SDK1: variants seen among roughly 807,000 people sequenced by gnomAD.
The protein encoded by SDK1 is protein sidekick-1.
SDK1 carries 157 observed loss-of-function variants against 245.5 expected under a neutral mutation model. The ratio of observed to expected loss-of-function variants is 0.64; its 90% CI spans 0.56 to 0.73. The LOEUF (loss-of-function observed/expected upper bound fraction) is 0.73, where lower values mean the gene tolerates loss of function less well. Ranked by LOEUF, SDK1 falls within the 30% of genes least tolerant of loss-of-function variation. The probability of loss-of-function intolerance (pLI) is 0.00; values close to 1 mark genes in which losing one functional copy is unlikely to be tolerated. For synonymous variants in SDK1, 1,647 were observed against 1,278.5 expected, an observed-to-expected ratio of 1.29 and a Z score of -6.15; for missense variants, 3,583 against 3,002.3, an observed-to-expected ratio of 1.19 and a Z score of -4.52.
intron 4 of SDK1, among the ~76,000 whole-genome samples, chr7:3,784,506 CAATAG>C (rs1338071374): frequency 4.0e-5 from 6 of 151,792 alleles, no homozygotes; most frequent in Non-Finnish European, 1.5e-5. Flanking sequence ...TCAAACAACT[CAATAG>C]AAAGAATACA....
intron 1 of SDK1, among the ~76,000 whole-genome samples, chr7:3,477,957 C>A (rs997253365): frequency 2.0e-5 from 3 of 152,142 alleles, no homozygotes; most frequent in Non-Finnish European, 4.4e-5. Context: ...TGTTAGAGAT[C>A]TGCCTTTACT....
chr7:3,912,946 A>G (rs1779229152), intron 5 of SDK1, among the ~76,000 whole-genome samples: 1 of 152,252 alleles, frequency 6.6e-6, no homozygotes, highest in African/African-American at 2.4e-5. Context: ...GTAAGGGCTC[A>G]AAGCAACCGT....
chr7:3,882,830 A>G (rs1243986630), intron 5 of SDK1, among the ~76,000 whole-genome samples: 1 of 152,244 alleles, frequency 6.6e-6, no homozygotes, highest in African/African-American at 2.4e-5. Flanking sequence ...AAAAAATTCT[A>G]TAATTTAGAC....
At chr7:3,919,585 C>A (rs542343208) in intron 5 of SDK1, among the ~76,000 whole-genome samples, 1 of 152,250 alleles carries the variant, frequency 6.6e-6, no homozygotes, top group African/African-American at 2.4e-5. Flanking sequence ...AGGCATTGAC[C>A]AAAATCTTAC....
chr7:3,319,563 T>G (rs1440066408), intron 1 of SDK1, among the ~76,000 whole-genome samples: 1 of 152,164 alleles, frequency 6.6e-6, no homozygotes, highest in Non-Finnish European at 1.5e-5. Flanking sequence ...ATTACTTACA[T>G]GATACATATA....
chr7:3,924,941 C>G (rs923285964), intron 5 of SDK1, among the ~76,000 whole-genome samples: 1 of 152,144 alleles, frequency 6.6e-6, no homozygotes, highest in Non-Finnish European at 1.5e-5. Flanking sequence ...GTCATTTTCC[C>G]CCAGCTGGAG....
At chr7:3,566,194 G>T (rs1289269618) in intron 1 of SDK1, among the ~76,000 whole-genome samples, 2 of 145,646 alleles carry the variant, frequency 1.4e-5, no homozygotes, top group Non-Finnish European at 1.5e-5. Context: ...CATTTTTATT[G>T]TATGTTTTTG....
At chr7:3,970,083 C>G (rs1013417185) in intron 11 of SDK1, among the ~76,000 whole-genome samples, 4 of 152,210 alleles carry the variant, frequency 2.6e-5, no homozygotes, top group Admixed American at 1.3e-4. Flanking sequence ...TTTTTAACTT[C>G]AATTGCCAAT....
rs556785870 is a variant in SDK1 at position 3,747,190 on chromosome 7, G to A, written c.714-74260G>A. ...TAATAGAAAATTTTGCAAACAGTGT[G>A]ACACAGAACTACCTAGGTAAATAGA... On this transcript the variant is annotated intron_variant, in intron 4 of 44. Coordinates refer to ENST00000404826, the MANE Select transcript of SDK1 (RefSeq NM_152744.4). Among the ~76,000 whole-genome samples, 42 of 152,294 alleles carry A rather than the reference G, an allele frequency of 2.8e-4. No individual in the cohort carries two copies. The Middle Eastern group carries it at 0.014, about 49-fold the overall frequency.
At chr7:4,169,453 A>G (rs1781695805) in intron 32 of SDK1, among the ~76,000 whole-genome samples, 1 of 152,164 alleles carries the variant, frequency 6.6e-6, no homozygotes, top group Admixed American at 6.5e-5. Flanking sequence ...GCAGAGGGCC[A>G]GCCCTTCTCC....
chr7:4,094,040 C>A (rs1781980670), intron 22 of SDK1, among the ~76,000 whole-genome samples: 1 of 152,018 alleles, frequency 6.6e-6, no homozygotes, highest in African/African-American at 2.4e-5. Context: ...GCCTAAACGG[C>A]CAGGGTGGTT....
At chr7:3,471,019 G>T (rs1342860880) in intron 1 of SDK1, among the ~76,000 whole-genome samples, 2 of 152,124 alleles carry the variant, frequency 1.3e-5, no homozygotes, top group Non-Finnish European at 2.9e-5. Context: ...ATTAGTTTCT[G>T]AGTTGACCAA....
intron 5 of SDK1, among the ~76,000 whole-genome samples, chr7:3,894,956 C>T (rs1403334259): frequency 1.3e-5 from 2 of 152,092 alleles, no homozygotes; most frequent in East Asian, 1.9e-4. Flanking sequence ...GCTGGGATTA[C>T]AGGTGTGAGC....
At chr7:4,248,071 G>C (rs1239082775) in intron 44 of SDK1, among the ~76,000 whole-genome samples, 2 of 152,154 alleles carry the variant, frequency 1.3e-5, no homozygotes, top group Non-Finnish European at 2.9e-5. Context: ...GGCGTGTTTG[G>C]AGATTTAACA....
intron 4 of SDK1, among the ~76,000 whole-genome samples, chr7:3,761,653 A>T (rs1780108244): frequency 6.6e-6 from 1 of 151,878 alleles, no homozygotes; most frequent in African/African-American, 2.4e-5. Context: ...AACATCTAGG[A>T]TGCTGGAGCG....
chr7:3,624,568 A>G (rs907345846), intron 2 of SDK1, among the ~76,000 whole-genome samples: 1 of 152,212 alleles, frequency 6.6e-6, no homozygotes, highest in Admixed American at 6.5e-5. Flanking sequence ...TCTAAAGCTC[A>G]TCTAGAAATG....
intron 1 of SDK1, among the ~76,000 whole-genome samples, chr7:3,569,362 TCCCAGTCAGTCA>T (rs1426024809): frequency 6.6e-6 from 1 of 152,158 alleles, no homozygotes; most frequent in Non-Finnish European, 1.5e-5. Flanking sequence ...GGAAAAGGAA[TCCCAGTCAGTCA>T]CCTGGTTCCC....
At chr7:3,709,645 T>A (rs1784984904) in intron 4 of SDK1, among the ~76,000 whole-genome samples, 2 of 152,254 alleles carry the variant, frequency 1.3e-5, no homozygotes, top group Admixed American at 1.3e-4. Context: ...AGACTATTTT[T>A]TCTTTCCAAG....
chr7:4,125,002 G>A (rs1272237450), intron 25 of SDK1, among the ~76,000 whole-genome samples: 3 of 150,466 alleles, frequency 2.0e-5, no homozygotes, highest in Non-Finnish European at 1.5e-5. Context: ...AGATGGATGA[G>A]TGAATGGATG....
Sources: allele counts gnomAD v4.1 joint callset (sites outside exome capture counted in the v4.1 genomes callset), GRCh38; gene constraint gnomAD v4.1.1; transcripts MANE v1.5; gene names NCBI Gene and HGNC (gene_info 2026-07-23, HGNC 2026-07-21).